Variants in NBEAL2 observed in about 807,000 individuals in gnomAD.
NBEAL2 encodes neurobeachin like 2, also known as neurobeachin-like protein 2.
In NBEAL2, 160 loss-of-function variants were observed where a neutral mutation model predicts 299.8. The observed-to-expected ratio is 0.53, with a 90% confidence interval of 0.47 to 0.61. The LOEUF is 0.61. Among genes scored for constraint, NBEAL2 ranks in the 20% least tolerant of loss-of-function variants. The pLI is 0.00. For missense variants in NBEAL2, 3,112 were observed against 3,649.0 expected (o/e 0.85, Z 3.79); for synonymous variants, 1,493 against 1,542.3 (o/e 0.97, Z 0.75).
At position 46,988,018 on chromosome 3, in the gene NBEAL2, A is replaced by G; in HGVS notation, c.52-651A>G. ...CCAAAGTTTTCCTGGCAGCGCCTAGACCTGGGCTTAGCCACTGCCCCTCTT... is the reference window on the plus strand; with the variant it reads ...CCAAAGTTTTCCTGGCAGCGCCTAGGCCTGGGCTTAGCCACTGCCCCTCTT... On this transcript the variant is annotated intron_variant, in intron 1 of 53. Coordinates refer to ENST00000450053, the MANE Select transcript of NBEAL2 (RefSeq NM_015175.3). This position sits in a 1 kb window ranked among gnomAD's most constrained non-coding sequence, Gnocchi z 4.4. The G allele has an allele frequency of 1.6e-6, 2 of 1,278,786 alleles. No individual in the cohort carries two copies. Among genetic ancestry groups the G allele is most frequent in the South Asian group, 2.5e-5 (2 of 80,522 alleles). 79.2% of individuals were successfully genotyped at this position (1,278,786 alleles called of 1,614,324 possible).
intron 11 of NBEAL2, 56 bp downstream of exon 11, chr3:46,994,076 A>G (rs1575596921): frequency 6.6e-7 from 1 of 1,511,094 alleles, no homozygotes; most frequent in Admixed American, 1.9e-5. Context: ...TCAACTGACC[A>G]TATCCCCAGA....
At chr3:46,986,704 C>T (rs1460383271) in intron 1 of NBEAL2, among the ~76,000 whole-genome samples, 9 of 152,046 alleles carry the variant, frequency 5.9e-5, no homozygotes, top group Non-Finnish European at 1.3e-4. Context: ...GATCGGGGCC[C>T]GCATGGTCCT....
In NBEAL2 at chr3:46,991,952, T is replaced by C. The variant is rs563390060; in HGVS notation, c.1032+6T>C. Reference sequence around the variant, plus strand: ...GGCTCATTCAGAACAGCAAGGTGGGTAGGGCCCAGCCTGGGGGTGAGGGTC... The same window carrying C: ...GGCTCATTCAGAACAGCAAGGTGGGCAGGGCCCAGCCTGGGGGTGAGGGTC... On this transcript the variant is annotated splice_donor_region_variant and intron_variant, in intron 9 of 53. Coordinates refer to ENST00000450053, the MANE Select transcript of NBEAL2 (RefSeq NM_015175.3). This position sits in a 1 kb window ranked among gnomAD's most constrained non-coding sequence, Gnocchi z 6.2. The C allele has an allele frequency of 8.2e-6, 13 of 1,587,476 alleles. 1 individual carries two copies. The African/African-American group carries it at 1.3e-4, about 16-fold the overall frequency.
At chr3:46,985,675 C>T (rs1575583197) in intron 1 of NBEAL2, among the ~76,000 whole-genome samples, 2 of 152,234 alleles carry the variant, frequency 1.3e-5, no homozygotes, top group Non-Finnish European at 2.9e-5. Context: ...TCCCCTGCTG[C>T]AGGACCTGGG....
rs780956323 is a variant in NBEAL2 at position 46,999,978 on chromosome 3, C to T, written c.3879C>T (p.Val1293=). The T allele has an allele frequency of 1.9e-6, 3 of 1,612,166 alleles. No individual in the cohort carries two copies. Among genetic ancestry groups the T allele is most frequent in the Non-Finnish European group, 2.5e-6 (3 of 1,179,860 alleles). Reference sequence around the variant, plus strand: ...AAGATGTGCTGACCCGGCTATATGTCCTGGAGGCTGCCACAGCCGGCAGCC... The same window carrying T: ...AAGATGTGCTGACCCGGCTATATGTTCTGGAGGCTGCCACAGCCGGCAGCC... ...GWQDVLTRLY[V]LEAATAGSPP... The change falls in exon 27 of 54, where the codon GTC becomes GTT. Residue 1293 remains valine (V), a synonymous_variant. Coordinates refer to ENST00000450053, the MANE Select transcript of NBEAL2 (RefSeq NM_015175.3).
chr3:46,998,382 C>A (rs767359637), intron 21 of NBEAL2, 81 bp from the exon 22 acceptor site: 28 of 1,523,262 alleles, frequency 1.8e-5, no homozygotes, highest in Non-Finnish European at 2.3e-5. Context: ...GGAAGTCTGA[C>A]AGGCACATGG....
intron 17 of NBEAL2, 31 bp downstream of exon 17, chr3:46,996,864 T>G: frequency 6.2e-7 from 1 of 1,610,992 alleles, no homozygotes; most frequent in South Asian, 1.1e-5. Context: ...AGTGGTTGGC[T>G]CGACTGTGCT....
chr3:46,987,587 G>A (rs766329935), intron 1 of NBEAL2, among the ~76,000 whole-genome samples: 1 of 152,188 alleles, frequency 6.6e-6, no homozygotes, highest in Non-Finnish European at 1.5e-5. Context: ...AGGACATGGC[G>A]GGCGGCGGGG....
At chr3:46,993,514 G>A in intron 10 of NBEAL2, among the ~76,000 whole-genome samples, 1 of 152,212 alleles carries the variant, frequency 6.6e-6, no homozygotes, top group Admixed American at 6.5e-5. Flanking sequence ...AACATCCTGT[G>A]ATTGATTGTC....
At position 47,000,392 on chromosome 3, in the gene NBEAL2, C is replaced by T. The variant is rs1257516939; in HGVS notation, c.4293C>T (p.Thr1431=). The part of the protein sequence containing the change: ...PTISGDDTSN[T]SNPQQTSEEE... ...TTAGCGGGGATGATACCTCGAACAC[C>T]AGCAACCCACAGGTGAGGTGGGCCC... Residue 1431 remains threonine, a synonymous_variant, in exon 27 of 54, where the codon ACC becomes ACT. Transcript: ENST00000450053. The surrounding 1 kb of genome is among the most constrained non-coding windows in gnomAD (Gnocchi z 4.5). The T allele has an allele frequency of 1.3e-6, 2 of 1,571,210 alleles. No homozygotes were observed. Among genetic ancestry groups the T allele is most frequent in the South Asian group, 1.2e-5 (1 of 83,692 alleles).
At position 47,004,784 on chromosome 3, in the gene NBEAL2, A is replaced by C; in HGVS notation, c.6295-188A>C. The C allele has an allele frequency of 9.4e-7, 1 of 1,060,628 alleles. No homozygotes were observed. The highest frequency in any genetic ancestry group is 1.4e-6 in the Non-Finnish European group (1 of 727,886). The allele number at this position is 1,060,628 out of a possible 1,614,324, so 65.7% of individuals were successfully genotyped here. ...CCTCACTCCCTTCCCCTCCCTGCCT[A>C]GCCTCTATTCCTCAAAAGGAATCCT... On this transcript the variant is annotated intron_variant, in intron 38 of 53. Coordinates refer to ENST00000450053, the MANE Select transcript of NBEAL2 (RefSeq NM_015175.3). The surrounding 1 kb of genome is among the most constrained non-coding windows in gnomAD (Gnocchi z 5.0).
In NBEAL2 at chr3:47,001,477, C is replaced by T. The variant is rs2305633; in HGVS notation, c.4644+39C>T. ...GAGAGGCGTGAGCCACATGAACACTCATGTTCATGCAAGCCTGCAGGGATC... is the reference window on the plus strand; with the variant it reads ...GAGAGGCGTGAGCCACATGAACACTTATGTTCATGCAAGCCTGCAGGGATC... On this transcript the variant is annotated intron_variant, in intron 29 of 53. Transcript: ENST00000450053. The surrounding 1 kb of genome is among the most constrained non-coding windows in gnomAD (Gnocchi z 6.1). 102 of 1,595,150 alleles carry T rather than the reference C, an allele frequency of 6.4e-5. No individual in the cohort carries two copies. The African/African-American group carries it at 1.3e-3, about 20-fold the overall frequency.
intron 12 of NBEAL2, 73 bp downstream of exon 12, chr3:46,994,626 C>G: frequency 7.7e-7 from 1 of 1,300,090 alleles, no homozygotes; most frequent in Admixed American, 2.0e-5. Context: ...AGATGGTGAG[C>G]TCTCCACCCT....
At chr3:46,994,132 G>A in intron 11 of NBEAL2, 112 bp downstream of exon 11, 1 of 1,147,828 alleles carries the variant, frequency 8.7e-7, no homozygotes, top group Non-Finnish European at 1.3e-6. Context: ...CTGGAGCAAA[G>A]CAGGCGAGCT....
chr3:46,996,463 G>T lies in NBEAL2; in HGVS notation c.2344G>T (p.Asp782Tyr). The T allele has an allele frequency of 6.2e-7, 1 of 1,603,592 alleles. No homozygotes were observed. Residue 782 changes from aspartate to tyrosine, a missense_variant, in exon 16 of 54, where the codon GAC (aspartate) becomes TAC (tyrosine). By Grantham distance (160) the Asp-to-Tyr change is radical. Coordinates refer to ENST00000450053, the MANE Select transcript of NBEAL2 (RefSeq NM_015175.3). Reference protein sequence around the residue: ...LVAPLQEGSIDSTLAGTQDTR... With the variant: ...LVAPLQEGSIYSTLAGTQDTR... ...GGCCCCCCTGCAGGAGGGCAGCATC[G>T]ACTCTACCCTCGCAGGCACCCAGGA...
At position 47,002,648 on chromosome 3, in the gene NBEAL2, C is replaced by T; in HGVS notation, c.5305C>T (p.Leu1769=). ...TGACCTATTACCCCCACCCCAGGAG[C>T]TGGTGCTGGAACCTGCGCAGAGGCG... is the stretch of plus-strand genomic sequence containing the variant. ...RAQSRRAFQE[L]VLEPAQRRAR... The change falls in exon 33 of 54, where the codon CTG becomes TTG. Residue 1769 remains leucine, a synonymous_variant. Coordinates refer to ENST00000450053, the MANE Select transcript of NBEAL2 (RefSeq NM_015175.3). The T allele has an allele frequency of 6.2e-7, 1 of 1,609,468 alleles. No homozygotes were observed. The highest frequency in any genetic ancestry group is 1.1e-5 in the South Asian group (1 of 90,578).
Position 47,009,199 on chromosome 3 carries a change from T to C in NBEAL2, c.8164-20T>C. The C allele has an allele frequency of 1.9e-6, 3 of 1,579,958 alleles. No individual in the cohort carries two copies. The highest frequency in any genetic ancestry group is 2.6e-6 in the Non-Finnish European group (3 of 1,164,858). On this transcript the variant is annotated intron_variant, in intron 53 of 53. Transcript: ENST00000450053. Reference sequence around the variant, plus strand: ...GCGCGGCGATCCCAGCTGATCCTACTCAACCCTTACGCCCACCAGGTGCGC... The same window carrying C: ...GCGCGGCGATCCCAGCTGATCCTACCCAACCCTTACGCCCACCAGGTGCGC...
rs554435649 is a variant in NBEAL2 at position 47,004,827 on chromosome 3, C to T, written c.6295-145C>T. On this transcript the variant is annotated intron_variant, in intron 38 of 53. Coordinates refer to ENST00000450053, the MANE Select transcript of NBEAL2 (RefSeq NM_015175.3). This position sits in a 1 kb window ranked among gnomAD's most constrained non-coding sequence, Gnocchi z 5.0. The stretch of plus-strand genomic sequence containing the variant: ...GGAATCCTGTTCCAGGACACTCTGT[C>T]CTTCTCCCCTGTGACCCCTCTAAGT... 68 of 1,264,476 alleles carry T rather than the reference C, an allele frequency of 5.4e-5. No homozygotes were observed. In the East Asian group the frequency reaches 1.4e-3, roughly 26 times the overall value. The allele number at this position is 1,264,476 out of a possible 1,614,324, so 78.3% of individuals were successfully genotyped here. A position where few individuals can be genotyped will look rare whatever the true frequency, so the allele number is the denominator to read the frequency against.
chr3:47,006,485 T>C, intron 45 of NBEAL2, 36 bp downstream of exon 45: 1 of 1,537,490 alleles, frequency 6.5e-7, no homozygotes, highest in African/African-American at 1.4e-5. Flanking sequence ...TTATATTCTG[T>C]GAAATGGGTT....
Sources: gnomAD v4.1 joint callset for allele counts (sites outside exome capture counted in the v4.1 genomes callset) on GRCh38, gnomAD v4.1.1 for gene constraint, Gnocchi (gnomAD v3.1) non-coding constraint, MANE v1.5 for transcripts, NCBI Gene and HGNC (gene_info 2026-07-23, HGNC 2026-07-21) for gene names.